The following SP3 variants were observed in gnomAD, a reference collection of about 807,000 sequenced individuals.
The protein encoded by SP3 is transcription factor Sp3.
A neutral mutation model predicts 70.3 loss-of-function variants in SP3; 10 were observed. The ratio of observed to expected loss-of-function variants is 0.14; its 90% CI spans 0.09 to 0.24. The LOEUF (loss-of-function observed/expected upper bound fraction) is 0.24, where lower values mean the gene tolerates loss of function less well. Among genes scored for constraint, SP3 ranks in the 10% least tolerant of loss-of-function variants. The pLI is 1.00. For synonymous variants in SP3, 402 were observed against 333.5 expected (o/e 1.21, Z -2.24); for missense variants, 825 against 914.6 (o/e 0.90, Z 1.26).
rs1191309768 is a variant in SP3, at chr2:173,910,049, T to C, written c.2238A>G (p.Ser746=). The C allele has an allele frequency of 1.9e-6, 3 of 1,613,236 alleles. No homozygotes were observed. The highest frequency in any genetic ancestry group is 1.7e-6 in the Non-Finnish European group (2 of 1,179,622). The change falls in exon 7 of 7, where the codon TCA becomes TCG. Residue 746 remains serine (S), a synonymous_variant. Coordinates refer to ENST00000310015, the MANE Select transcript of SP3 (RefSeq NM_003111.5). ...CGGAAGTATTAACAGTTCCTATCCC[T>C]GAAACAGAACCTTGTTGAATATTTG... ...ILANIQQGSV[S]GIGTVNTSAT... is the part of the protein sequence containing the mutation.
intron 4 of SP3, among the ~76,000 whole-genome samples, chr2:173,935,985 C>T (rs1690199445): frequency 6.6e-6 from 1 of 151,336 alleles, no homozygotes; most frequent in Non-Finnish European, 1.5e-5. Context: ...TCCTTCCTTA[C>T]TTTCTCCCTG....
At chr2:173,954,420 G>C (rs1325394889) in intron 4 of SP3, among the ~76,000 whole-genome samples, 1 of 151,990 alleles carries the variant, frequency 6.6e-6, no homozygotes, top group Non-Finnish European at 1.5e-5. Context: ...AAAATAACTT[G>C]GTCAAAATCA....
chr2:173,959,675 GC>G (rs1277720440), intron 3 of SP3, among the ~76,000 whole-genome samples: 4 of 152,120 alleles, frequency 2.6e-5, no homozygotes, highest in Non-Finnish European at 4.4e-5. Flanking sequence ...AATGGCTTGG[GC>G]CTGGAAGGCG....
At chr2:173,934,819 T>C (rs1690167211) in intron 4 of SP3, among the ~76,000 whole-genome samples, 1 of 152,206 alleles carries the variant, frequency 6.6e-6, no homozygotes, top group Admixed American at 6.5e-5. Flanking sequence ...GAAACTCCTT[T>C]CTTCTAAAAA....
intron 2 of SP3, 94 bp downstream of exon 2, chr2:173,964,311 G>A (rs1419519161): frequency 5.0e-6 from 3 of 594,084 alleles, no homozygotes; most frequent in Admixed American, 2.7e-5. Flanking sequence ...GGAGAGACGA[G>A]GAGGGAGGGG....
intron 3 of SP3, among the ~76,000 whole-genome samples, chr2:173,956,737 A>C (rs1690906937): frequency 6.6e-6 from 1 of 152,188 alleles, no homozygotes; most frequent in Admixed American, 6.5e-5. Context: ...CTATTCCATT[A>C]AGCTATCAAA....
intron 3 of SP3, chr2:173,963,406 A>G (rs1691150890): frequency 1.3e-5 from 2 of 152,470 alleles, no homozygotes; most frequent in African/African-American, 2.4e-5. Flanking sequence ...TCTAGTTGAT[A>G]CTATCTATGG....
rs372158430 is a variant in SP3 at position 173,955,172 on chromosome 2, G to C, written c.1340C>G (p.Thr447Ser). 6.2e-7 allele frequency: 1 copy of C among 1,614,052 alleles called. No individual in the cohort carries two copies. Among genetic ancestry groups the C allele is most frequent in the Non-Finnish European group, 8.5e-7 (1 of 1,180,044 alleles). The change falls in exon 4 of 7, where the codon ACC becomes AGC. Residue 447 changes from threonine to serine, a missense_variant. Physicochemically the swap from Thr to Ser is moderately conservative, Grantham distance 58 (BLOSUM62 1). Transcript: ENST00000310015. ...CACTGTCTGTGCCTGAATTAAAAAG[G>C]TTCCAGGATTCAGCTGCAACTGAAG... ...QNLQLQLNPG[T>S]FLIQAQTVTP...
chr2:173,901,685 G>T lies in SP3; in HGVS notation c.*8256C>A, dbSNP rs553243580. On this transcript the variant is annotated 3_prime_UTR_variant, in exon 7 of 7. Transcript: ENST00000310015. Reference sequence around the variant, plus strand: ...ATGAACAGCAGGGAAACAGTTAGTTGGACTTAAGCCTTTTTTTTTTTTTTT... The same window carrying T: ...ATGAACAGCAGGGAAACAGTTAGTTTGACTTAAGCCTTTTTTTTTTTTTTT... Among the ~76,000 whole-genome samples the T allele has an allele frequency of 2.8e-5, 4 of 143,840 alleles. No homozygotes were observed. The highest frequency in any genetic ancestry group is 1.0e-4 in the African/African-American group (4 of 39,490). 94.4% of individuals were successfully genotyped at this position (143,840 alleles called of 152,430 possible).
chr2:173,962,516 A>T (rs1399876077), intron 3 of SP3, among the ~76,000 whole-genome samples: 3 of 152,238 alleles, frequency 2.0e-5, no homozygotes, highest in Non-Finnish European at 2.9e-5. Context: ...AACAAAGCCT[A>T]ATATAATTTT....
rs185816398 is a variant in SP3 at position 173,901,521 on chromosome 2, G to A, written c.*8420C>T. On this transcript the variant is annotated 3_prime_UTR_variant, in exon 7 of 7. Transcript: ENST00000310015. ...ATTCAAACAGGCAACTCCCATCAGA[G>A]GAAAATGGATTATGAACTTGTAAAA... Among the ~76,000 whole-genome samples the A allele has an allele frequency of 7.6e-4, 115 of 152,066 alleles. No homozygotes were observed. Among genetic ancestry groups the A allele is most frequent in the Non-Finnish European group, 1.2e-3 (82 of 67,966 alleles).
chr2:173,933,374 T>C (rs1237420041), intron 4 of SP3, among the ~76,000 whole-genome samples: 1 of 152,012 alleles, frequency 6.6e-6, no homozygotes, highest in East Asian at 1.9e-4. Context: ...GGCTCCCCTA[T>C]ATAACAGAGC....
At chr2:173,921,091 C>G (rs6718080) in intron 4 of SP3, among the ~76,000 whole-genome samples, 109,121 of 151,938 alleles carry the variant, frequency 0.72, 40,157 homozygotes, top group African/African-American at 0.85. Flanking sequence ...CATTTGATCT[C>G]TACATTTTCT....
chr2:173,956,560 G>T (rs1690897723), intron 3 of SP3, among the ~76,000 whole-genome samples: 8 of 152,140 alleles, frequency 5.3e-5, no homozygotes. Context: ...AGATGGCTAT[G>T]ACCAAATCAG....
At chr2:173,964,215 C>CGAA (rs989081879) in intron 2 of SP3, 190 bp downstream of exon 2, 8 of 467,134 alleles carry the variant, frequency 1.7e-5, no homozygotes, top group African/African-American at 1.7e-4. Flanking sequence ...GGCAGGCGGG[C>CGAA]GAGGCGGGGC....
chr2:173,941,115 TCACAA>T (rs1307805474), intron 4 of SP3, among the ~76,000 whole-genome samples: 9 of 138,496 alleles, frequency 6.5e-5, no homozygotes, highest in South Asian at 4.5e-4. Context: ...TCAATGTTGC[TCACAA>T]CACGAGTAAA....
At chr2:173,942,879 T>A (rs1029616507) in intron 4 of SP3, among the ~76,000 whole-genome samples, 2 of 152,062 alleles carry the variant, frequency 1.3e-5, no homozygotes, top group Admixed American at 1.3e-4. Flanking sequence ...AACACAAAAA[T>A]AAAAATATAA....
At chr2:173,935,724 T>C (rs1690190176) in intron 4 of SP3, among the ~76,000 whole-genome samples, 1 of 152,234 alleles carries the variant, frequency 6.6e-6, no homozygotes, top group Non-Finnish European at 1.5e-5. Flanking sequence ...TCCTTTGTCC[T>C]AGGCTCAGCC....
At position 173,909,923 on chromosome 2, in the gene SP3, T is replaced by A; in HGVS notation, c.*18A>T. 6.3e-7 allele frequency: 1 copy of A among 1,597,382 alleles called. No homozygotes were observed. Among genetic ancestry groups the A allele is most frequent in the Non-Finnish European group, 8.6e-7 (1 of 1,165,708 alleles). On this transcript the variant is annotated 3_prime_UTR_variant, in exon 7 of 7. Transcript: ENST00000310015. ...ACTGTATAAAAATAACCACAATGAA[T>A]AAGTATTTGTGTAATATTTACTCCA...
Sources: gnomAD v4.1 joint callset for allele counts (sites outside exome capture counted in the v4.1 genomes callset) on GRCh38, gnomAD v4.1.1 for gene constraint, MANE v1.5 for transcripts, NCBI Gene and HGNC (gene_info 2026-07-23, HGNC 2026-07-21) for gene names.